CDYL: variants seen among roughly 807,000 people sequenced by gnomAD.
The protein encoded by CDYL is chromodomain Y like, also known as chromodomain Y-like protein.
In CDYL, 8 loss-of-function variants were observed where a neutral mutation model predicts 47.3. The ratio of observed to expected loss-of-function variants is 0.17; its 90% CI spans 0.10 to 0.31. The LOEUF is 0.31. Ranked by LOEUF, CDYL falls within the 10% of genes least tolerant of loss-of-function variation. The pLI, the probability that CDYL is intolerant of heterozygous loss-of-function variation, is 1.00. For missense variants in CDYL, 471 were observed against 701.4 expected (o/e 0.67, Z 3.71); for synonymous variants, 266 against 265.0 (o/e 1.00, Z -0.04).
rs905422144 is a variant in CDYL, at chr6:4,751,001, C to T, written c.186+16157C>T. Among the ~76,000 whole-genome samples, 28 of 151,470 alleles carry T rather than the reference C, an allele frequency of 1.8e-4. 1 individual carries two copies. Among genetic ancestry groups the T allele is most frequent in the Non-Finnish European group, 3.2e-4 (22 of 67,818 alleles). On this transcript the variant is annotated intron_variant, in intron 3 of 8. Transcript: ENST00000328908. The stretch of plus-strand genomic sequence containing the variant: ...CCGAGTAGCTGGGACTACAGGCACC[C>T]GCCACCACGCCCGGCTAATTTTTTG...
chr6:4,948,532 C>CA (rs1316516746), intron 5 of CDYL, among the ~76,000 whole-genome samples: 3 of 102,696 alleles, frequency 2.9e-5, no homozygotes, highest in Non-Finnish European at 4.9e-5. Context: ...GCAGTTTTCA[C>CA]CCCCGACCTC....
At chr6:4,953,711 C>T (rs1434045753) in intron 6 of CDYL, among the ~76,000 whole-genome samples, 187 bp from the exon 7 acceptor site, 1 of 152,180 alleles carries the variant, frequency 6.6e-6, no homozygotes, top group African/African-American at 2.4e-5. Context: ...TAAGAATGCA[C>T]CCAGTGCCAA....
chr6:4,939,977 C>T (rs1326717219), intron 4 of CDYL, among the ~76,000 whole-genome samples: 2 of 151,436 alleles, frequency 1.3e-5, no homozygotes, highest in East Asian at 1.9e-4. Context: ...CTTGTGAGCC[C>T]GCTGGTGCCT....
At chr6:4,894,930 T>C (rs925012231) in intron 2 of CDYL, among the ~76,000 whole-genome samples, 2 of 18,752 alleles carry the variant, frequency 1.1e-4, no homozygotes, top group African/African-American at 1.3e-4. Context: ...CACATATGTA[T>C]GTGTGTATAT....
At chr6:4,914,754 G>A (rs1418298606) in intron 2 of CDYL, among the ~76,000 whole-genome samples, 5 of 152,218 alleles carry the variant, frequency 3.3e-5, no homozygotes, top group Non-Finnish European at 7.3e-5. Context: ...GGGGTGGGTT[G>A]TGACATGGTT....
chr6:4,878,373 G>T (rs1366477216), intron 1 of CDYL, among the ~76,000 whole-genome samples: 1 of 151,838 alleles, frequency 6.6e-6, no homozygotes, highest in African/African-American at 2.4e-5. Context: ...GTGTGTGTGT[G>T]TAGAGGTTTG....
At chr6:4,923,723 C>T (rs749641879) in intron 2 of CDYL, among the ~76,000 whole-genome samples, 2 of 151,994 alleles carry the variant, frequency 1.3e-5, no homozygotes, top group Non-Finnish European at 2.9e-5. Flanking sequence ...GGTGAAACCC[C>T]GTCTCTACTA....
Position 4,758,351 on chromosome 6 carries a change from A to T in CDYL, c.186+23507A>T, listed in dbSNP as rs200535608. 5.1e-3 allele frequency among the ~76,000 whole-genome samples: 657 copies of T among 128,968 alleles called. 11 individuals are homozygous for T. Among genetic ancestry groups the T allele is most frequent in the African/African-American group, 0.019 (614 of 32,584 alleles). The allele number at this position is 128,968 out of a possible 152,430, so 84.6% of individuals were successfully genotyped here. Reference sequence around the variant, plus strand: ...AAGACTCATGTCTTGAAAATAAATAAATATATATATATATATATATCTCTT... The same window carrying T: ...AAGACTCATGTCTTGAAAATAAATATATATATATATATATATATATCTCTT... On this transcript the variant is annotated intron_variant, in intron 3 of 8. Transcript: ENST00000328908.
In CDYL at chr6:4,715,971, G is replaced by A. The variant is rs187875308; in HGVS notation, c.103+90G>A. 6.2e-5 allele frequency: 94 copies of A among 1,519,356 alleles called. No homozygotes were observed. The African/African-American group carries it at 6.2e-4, about 10-fold the overall frequency. The allele number at this position is 1,519,356 out of a possible 1,614,324, so 94.1% of individuals were successfully genotyped here. A position where few individuals can be genotyped will look rare whatever the true frequency, so the allele number is the denominator to read the frequency against. ...TTATTTAAAAATGATTTTACTGGCCGGGCACGGTGGCTCACGCCTATAATC... is the reference window on the plus strand; with the variant it reads ...TTATTTAAAAATGATTTTACTGGCCAGGCACGGTGGCTCACGCCTATAATC... On this transcript the variant is annotated intron_variant, in intron 2 of 8. Coordinates refer to the CDYL transcript ENST00000328908.
chr6:4,803,571 C>G (rs1363993506), intron 1 of CDYL, among the ~76,000 whole-genome samples: 4 of 152,000 alleles, frequency 2.6e-5, no homozygotes, highest in Non-Finnish European at 5.9e-5. Context: ...GGGCTCTGTT[C>G]CCTGGTTGCC....
chr6:4,811,724 C>A (rs1199224620), intron 1 of CDYL, among the ~76,000 whole-genome samples: 1 of 151,620 alleles, frequency 6.6e-6, no homozygotes, highest in African/African-American at 2.4e-5. Flanking sequence ...TCCTGCCCTG[C>A]CTTTCCAAAG....
At chr6:4,911,756 C>T (rs1757421395) in intron 2 of CDYL, among the ~76,000 whole-genome samples, 1 of 152,136 alleles carries the variant, frequency 6.6e-6, no homozygotes, top group South Asian at 2.1e-4. Flanking sequence ...TTAGGGGTTA[C>T]AGGACATCCA....
upstream of CDYL, among the ~76,000 whole-genome samples, chr6:4,775,651 G>T (rs1250287966): frequency 6.6e-6 from 1 of 150,438 alleles, no homozygotes; most frequent in African/African-American, 2.4e-5. The surrounding 1 kb of genome is among the most constrained non-coding windows in gnomAD (Gnocchi z 7.0). Flanking sequence ...GCCGCGCCCG[G>T]CTCCCGCCCC....
intron 2 of CDYL, chr6:4,724,418 G>A (rs1757448599): frequency 6.6e-6 from 1 of 152,188 alleles, no homozygotes; most frequent in Admixed American, 6.6e-5. Flanking sequence ...TACCTTGATG[G>A]GTTTATGCTG....
At chr6:4,715,437 TACTC>T (rs1248304333) in intron 1 of CDYL, among the ~76,000 whole-genome samples, 1 of 152,256 alleles carries the variant, frequency 6.6e-6, no homozygotes, top group Non-Finnish European at 1.5e-5. Flanking sequence ...TTGGCTTACT[TACTC>T]TTCCATGTAT....
intron 1 of CDYL, among the ~76,000 whole-genome samples, chr6:4,777,257 C>G (rs1581159811): frequency 6.6e-6 from 1 of 152,120 alleles, no homozygotes; most frequent in African/African-American, 2.4e-5. Context: ...CCGGTGCAAA[C>G]GCTTTCGACT....
At chr6:4,921,928 C>T (rs551545212) in intron 2 of CDYL, among the ~76,000 whole-genome samples, 2 of 152,284 alleles carry the variant, frequency 1.3e-5, no homozygotes, top group East Asian at 3.9e-4. Context: ...TCCTAACCTC[C>T]GTGGAGAGGT....
chr6:4,717,598 TGAAGTGGGAGGCA>T (rs1341845162), intron 2 of CDYL, among the ~76,000 whole-genome samples: 1 of 147,848 alleles, frequency 6.8e-6, no homozygotes, highest in Non-Finnish European at 1.5e-5. Context: ...CTCAGGAGGC[TGAAGTGGGAGGCA>T]GAAGCATCAC....
At chr6:4,871,351 T>G (rs1014596371) in intron 1 of CDYL, among the ~76,000 whole-genome samples, 6 of 152,214 alleles carry the variant, frequency 3.9e-5, no homozygotes, top group Non-Finnish European at 2.9e-5. Flanking sequence ...CATTCAAATT[T>G]TAGGCAGGTT....
Sources: gnomAD v4.1 joint callset for allele counts (sites outside exome capture counted in the v4.1 genomes callset) on GRCh38, gnomAD v4.1.1 for gene constraint, Gnocchi (gnomAD v3.1) non-coding constraint, MANE v1.5 for transcripts, NCBI Gene and HGNC (gene_info 2026-07-23, HGNC 2026-07-21) for gene names.